Variants in DSCAM observed in about 807,000 individuals in gnomAD.
DSCAM encodes the protein cell adhesion molecule DSCAM.
Under a neutral mutation model 217.7 loss-of-function variants are expected in DSCAM, and 47 were observed. The ratio of observed to expected loss-of-function variants is 0.22; its 90% CI spans 0.17 to 0.28. DSCAM has a LOEUF of 0.28. DSCAM is among the 10% of genes least tolerant of loss of function. The pLI, the probability that DSCAM is intolerant of heterozygous loss-of-function variation, is 1.00. For synonymous variants in DSCAM, 1,056 were observed against 1,015.3 expected (o/e 1.04, Z -0.76); for missense variants, 2,080 against 2,618.3 (o/e 0.79, Z 4.49).
intron 1 of DSCAM, among the ~76,000 whole-genome samples, chr21:40,763,123 C>T (rs935362511): frequency 1.3e-5 from 2 of 152,020 alleles, no homozygotes; most frequent in African/African-American, 4.8e-5. Context: ...AAATAAAGGG[C>T]ATTCAAATAG....
At chr21:40,547,263 T>C (rs544945420) in intron 3 of DSCAM, among the ~76,000 whole-genome samples, 153 of 152,280 alleles carry the variant, frequency 1.0e-3, no homozygotes, top group African/African-American at 3.5e-3. Flanking sequence ...CTTCCTTTCT[T>C]GCTTCTTACA....
At position 40,369,382 on chromosome 21, in the gene DSCAM, C is replaced by CTGTGTGTGTG; in HGVS notation, c.509-138_509-137insCACACACACA. 3 of 508,728 alleles carry CTGTGTGTGTG rather than the reference C, an allele frequency of 5.9e-6. No individual in the cohort carries two copies. The South Asian group carries it at 8.2e-5, about 14-fold the overall frequency. 31.5% of individuals were successfully genotyped at this position (508,728 alleles called of 1,614,324 possible). On this transcript the variant is annotated intron_variant, in intron 3 of 32. Coordinates refer to ENST00000400454, the MANE Select transcript of DSCAM (RefSeq NM_001389.5). ...AAAGGCTAAAAATGGGTGCGTGCGT[C>CTGTGTGTGTG]TGCGTGTGTGTGTGTGTGTGTGTGT...
intron 32 of DSCAM, among the ~76,000 whole-genome samples, chr21:40,036,716 AAG>A (rs1354318297): frequency 6.9e-6 from 1 of 145,366 alleles, no homozygotes; most frequent in African/African-American, 2.7e-5. Flanking sequence ...ACAACCAAAA[AAG>A]AGAATTTTAG....
chr21:40,633,106 GTCC>G (rs1320850823), intron 3 of DSCAM, among the ~76,000 whole-genome samples: 4 of 152,134 alleles, frequency 2.6e-5, no homozygotes, highest in African/African-American at 9.7e-5. Context: ...GTTTACTGAT[GTCC>G]TCCCAGCCTG....
intron 3 of DSCAM, among the ~76,000 whole-genome samples, chr21:40,514,962 T>C (rs895498651): frequency 2.0e-5 from 3 of 152,180 alleles, no homozygotes; most frequent in Admixed American, 6.5e-5. Flanking sequence ...ATGCAGCCTA[T>C]AGCTTGTGAC....
intron 1 of DSCAM, among the ~76,000 whole-genome samples, chr21:40,842,577 C>CCT (rs137889567): frequency 2.6e-5 from 4 of 151,920 alleles, no homozygotes; most frequent in Non-Finnish European, 5.9e-5. Context: ...TATAAAATGA[C>CCT]CTCTCTCTCT....
At chr21:40,679,110 C>G (rs1290823109) in intron 3 of DSCAM, among the ~76,000 whole-genome samples, 1 of 152,156 alleles carries the variant, frequency 6.6e-6, no homozygotes, top group East Asian at 1.9e-4. Context: ...CACAGGCACT[C>G]TTTGCCTTGG....
chr21:40,765,534 T>A (rs911697114), intron 1 of DSCAM, among the ~76,000 whole-genome samples: 4 of 152,152 alleles, frequency 2.6e-5, no homozygotes, highest in African/African-American at 4.8e-5. Context: ...AAAATTTTTT[T>A]AAACTTTGTT....
At chr21:40,318,336 T>TA (rs71330392) in intron 8 of DSCAM, among the ~76,000 whole-genome samples, 146 of 145,584 alleles carry the variant, frequency 1.0e-3, no homozygotes, top group African/African-American at 1.7e-3. Context: ...AAAGTATAAT[T>TA]AAAAAAAAAA....
chr21:40,559,832 T>A (rs28522219), intron 3 of DSCAM, among the ~76,000 whole-genome samples: 3 of 143,450 alleles, frequency 2.1e-5, no homozygotes, highest in South Asian at 4.7e-4. Context: ...TCGCTCTGTC[T>A]CCCAGGCTGG....
chr21:40,306,731 T>C (rs1381005701), intron 9 of DSCAM, among the ~76,000 whole-genome samples: 1 of 152,210 alleles, frequency 6.6e-6, no homozygotes, highest in African/African-American at 2.4e-5. Flanking sequence ...TTCTGTTATA[T>C]GCTAGATTAT....
intron 11 of DSCAM, among the ~76,000 whole-genome samples, chr21:40,199,892 T>A (rs1467466781): frequency 6.6e-6 from 1 of 152,030 alleles, no homozygotes; most frequent in Non-Finnish European, 1.5e-5. Flanking sequence ...TATACCTATG[T>A]AACAAACCTG....
intron 5 of DSCAM, among the ~76,000 whole-genome samples, chr21:40,352,408 G>C (rs576966858): frequency 4.3e-4 from 65 of 152,220 alleles, no homozygotes; most frequent in African/African-American, 1.2e-3. Flanking sequence ...TCTAATCCCA[G>C]ACTAAACATA....
intron 3 of DSCAM, among the ~76,000 whole-genome samples, chr21:40,374,093 TTCA>T (rs1191916710): frequency 6.6e-6 from 1 of 152,224 alleles, no homozygotes; most frequent in Non-Finnish European, 1.5e-5. Flanking sequence ...GGTAGATATG[TTCA>T]TCATCTTGAT....
intron 3 of DSCAM, among the ~76,000 whole-genome samples, chr21:40,487,297 G>A (rs2076037211): frequency 9.7e-6 from 1 of 102,866 alleles, no homozygotes; most frequent in Non-Finnish European, 2.0e-5. Context: ...GTGTGCGTGT[G>A]TGCGTGCGTG....
chr21:40,245,868 T>C (rs2073217072), intron 11 of DSCAM, among the ~76,000 whole-genome samples: 1 of 152,108 alleles, frequency 6.6e-6, no homozygotes, highest in South Asian at 2.1e-4. Context: ...TCCTGTTCCT[T>C]AAAAACTAGG....
At chr21:40,520,721 C>T (rs974795721) in intron 3 of DSCAM, among the ~76,000 whole-genome samples, 4 of 152,110 alleles carry the variant, frequency 2.6e-5, no homozygotes, top group African/African-American at 9.7e-5. Flanking sequence ...GCAGGAGAAT[C>T]GCTTGAACCT....
chr21:40,586,496 G>A (rs968189042), intron 3 of DSCAM, among the ~76,000 whole-genome samples: 5 of 151,580 alleles, frequency 3.3e-5, no homozygotes, highest in Non-Finnish European at 5.9e-5. Flanking sequence ...TGAAGGAGAA[G>A]GATGTTTCAG....
At chr21:40,018,466 TG>T in intron 32 of DSCAM, among the ~76,000 whole-genome samples, 2 of 152,356 alleles carry the variant, frequency 1.3e-5, no homozygotes, top group Admixed American at 1.3e-4. Context: ...GAATGCCTCA[TG>T]CTCTTTCTGA....
Sources: allele counts gnomAD v4.1 joint callset (sites outside exome capture counted in the v4.1 genomes callset), GRCh38; gene constraint gnomAD v4.1.1; transcripts MANE v1.5; gene names NCBI Gene and HGNC (gene_info 2026-07-23, HGNC 2026-07-21).